The following ST6GALNAC3 variants were observed in gnomAD, a reference collection of about 807,000 sequenced individuals.
The protein encoded by ST6GALNAC3 is alpha-N-acetylgalactosaminide alpha-2,6-sialyltransferase 3.
ST6GALNAC3 carries 25 observed loss-of-function variants against 32.7 expected under a neutral mutation model. That is an observed-to-expected ratio of 0.76 (90% CI 0.56 to 1.07). The LOEUF is 1.07. ST6GALNAC3 is among the 50% of genes least tolerant of loss of function. ST6GALNAC3 has a pLI of 0.00. For missense variants in ST6GALNAC3, 355 were observed against 382.4 expected, an observed-to-expected ratio of 0.93 and a Z score of 0.60; for synonymous variants, 129 against 133.1, an observed-to-expected ratio of 0.97 and a Z score of 0.21.
chr1:76,365,958 CAT>C (rs1650334966), intron 2 of ST6GALNAC3, among the ~76,000 whole-genome samples: 1 of 152,144 alleles, frequency 6.6e-6, no homozygotes, highest in Admixed American at 6.5e-5. Context: ...CTTGGCAATT[CAT>C]ATGTGTTAGG....
At chr1:76,337,480 TG>T (rs372551792) in intron 2 of ST6GALNAC3, among the ~76,000 whole-genome samples, 271 of 152,258 alleles carry the variant, frequency 1.8e-3, no homozygotes, top group African/African-American at 6.2e-3. Context: ...AGTGTACCAG[TG>T]TCCTCCATTC....
At chr1:76,543,426 AGCCAGTT>A (rs1664110280) in intron 3 of ST6GALNAC3, among the ~76,000 whole-genome samples, 1 of 152,226 alleles carries the variant, frequency 6.6e-6, no homozygotes, top group African/African-American at 2.4e-5. Context: ...GATACTGTAG[AGCCAGTT>A]GGTGTATGGG....
intron 2 of ST6GALNAC3, among the ~76,000 whole-genome samples, chr1:76,350,827 C>T (rs1648917639): frequency 6.6e-6 from 1 of 152,054 alleles, no homozygotes; most frequent in Middle Eastern, 3.4e-3. Context: ...ATACTAGGTT[C>T]CTGAAGCTTT....
intron 1 of ST6GALNAC3, among the ~76,000 whole-genome samples, chr1:76,276,840 A>T (rs1054864741): frequency 6.6e-6 from 1 of 152,212 alleles, no homozygotes; most frequent in African/African-American, 2.4e-5. Context: ...GTCAGCATTT[A>T]AAAAAGTTGT....
intron 3 of ST6GALNAC3, among the ~76,000 whole-genome samples, chr1:76,549,467 A>T (rs1291081405): frequency 6.6e-6 from 1 of 151,410 alleles, no homozygotes; most frequent in Non-Finnish European, 1.5e-5. Flanking sequence ...TATATAGATT[A>T]TATAAATACT....
At chr1:76,364,214 G>A (rs1321612640) in intron 2 of ST6GALNAC3, among the ~76,000 whole-genome samples, 2 of 152,172 alleles carry the variant, frequency 1.3e-5, no homozygotes, top group Non-Finnish European at 2.9e-5. Flanking sequence ...GGACCAAGGA[G>A]GCTTTGAAGA....
Position 76,168,226 on chromosome 1 carries a change from CTTAA to C in ST6GALNAC3, c.18+93349_18+93352del, listed in dbSNP as rs377611219. On this transcript the variant is annotated intron_variant, in intron 1 of 4. Transcript: ENST00000328299. ...TTTCAAAGAACTTCTTGATTTCTGC[CTTAA>C]TTAATTTTTTTACCTCAAAGCCATT... Among the ~76,000 whole-genome samples, 42 of 152,210 alleles carry C rather than the reference CTTAA, an allele frequency of 2.8e-4. No homozygotes were observed. The East Asian group carries it at 4.3e-3, about 15-fold the overall frequency.
intron 1 of ST6GALNAC3, among the ~76,000 whole-genome samples, chr1:76,183,838 A>T (rs369082857): frequency 7.7e-6 from 1 of 129,430 alleles, no homozygotes; most frequent in South Asian, 2.9e-4. Flanking sequence ...TGTTGACCAA[A>T]ATGTAGTGCA....
chr1:76,459,832 T>C (rs537762304), intron 3 of ST6GALNAC3, among the ~76,000 whole-genome samples: 1 of 152,316 alleles, frequency 6.6e-6, no homozygotes, highest in Non-Finnish European at 1.5e-5. Context: ...TCATTCATTT[T>C]TATGACTGAA....
Position 76,107,333 on chromosome 1 carries a change from A to G in ST6GALNAC3, c.18+32449A>G, listed in dbSNP as rs532465881. 1.0e-3 allele frequency among the ~76,000 whole-genome samples: 150 copies of G among 150,596 alleles called. 1 individual carries two copies. The highest frequency in any genetic ancestry group is 3.5e-3 in the African/African-American group (143 of 40,884). The stretch of plus-strand genomic sequence containing the variant: ...TTTTTTTATAATAATCAGGCATCCA[A>G]TGAGATCTGTCCTCTTTTTATCCTC... On this transcript the variant is annotated intron_variant, in intron 1 of 4. Transcript: ENST00000328299.
chr1:76,259,282 A>G (rs913067808), intron 1 of ST6GALNAC3, among the ~76,000 whole-genome samples: 1 of 152,200 alleles, frequency 6.6e-6, no homozygotes, highest in African/African-American at 2.4e-5. Context: ...AACAGCAGAT[A>G]CAGTAGAGAC....
At chr1:76,170,129 TG>T (rs1652382822) in intron 1 of ST6GALNAC3, among the ~76,000 whole-genome samples, 1 of 152,222 alleles carries the variant, frequency 6.6e-6, no homozygotes, top group African/African-American at 2.4e-5. Context: ...TCCCAACTCC[TG>T]CACTGTGTAC....
chr1:76,220,779 A>G (rs533885476), intron 1 of ST6GALNAC3, among the ~76,000 whole-genome samples: 149 of 152,310 alleles, frequency 9.8e-4, no homozygotes, highest in Middle Eastern at 3.4e-3. Context: ...GCAGCCAGCC[A>G]TGGTGTTATT....
chr1:76,395,840 A>T (rs2101179719), intron 2 of ST6GALNAC3, among the ~76,000 whole-genome samples: 1 of 152,328 alleles, frequency 6.6e-6, no homozygotes. Context: ...CTGGGGATGA[A>T]GAGAGGCTGG....
At chr1:76,467,829 A>AT (rs11426822) in intron 3 of ST6GALNAC3, among the ~76,000 whole-genome samples, 54,421 of 151,718 alleles carry the variant, frequency 0.36, 15,379 homozygotes, top group African/African-American at 0.8. Flanking sequence ...GCCTGAAATA[A>AT]TTTAAAAAGT....
intron 2 of ST6GALNAC3, among the ~76,000 whole-genome samples, chr1:76,326,873 T>G (rs541009574): frequency 2.6e-5 from 4 of 151,766 alleles, no homozygotes. Flanking sequence ...TCTCAATGTT[T>G]TTAAATAATC....
intron 1 of ST6GALNAC3, among the ~76,000 whole-genome samples, chr1:76,206,449 A>T (rs1654827795): frequency 1.3e-5 from 2 of 152,182 alleles, no homozygotes; most frequent in Admixed American, 1.3e-4. Context: ...CATCTTTCAG[A>T]GATGTGAGGA....
intron 3 of ST6GALNAC3, among the ~76,000 whole-genome samples, chr1:76,474,926 T>C (rs1396656758): frequency 6.6e-6 from 1 of 152,178 alleles, no homozygotes; most frequent in African/African-American, 2.4e-5. Flanking sequence ...ATTATCGTCA[T>C]TCAAGAGTCC....
At chr1:76,246,237 T>G (rs1657249151) in intron 1 of ST6GALNAC3, among the ~76,000 whole-genome samples, 1 of 152,158 alleles carries the variant, frequency 6.6e-6, no homozygotes, top group Non-Finnish European at 1.5e-5. Flanking sequence ...AACTCCTGCT[T>G]TTTTTTGGGC....
Sources: gnomAD v4.1 joint callset for allele counts (sites outside exome capture counted in the v4.1 genomes callset) on GRCh38, gnomAD v4.1.1 for gene constraint, MANE v1.5 for transcripts, NCBI Gene and HGNC (gene_info 2026-07-23, HGNC 2026-07-21) for gene names.